Variants in CA12 observed in about 807,000 individuals in gnomAD.
CA12 encodes carbonate dehydratase XII.
CA12 carries 36 observed loss-of-function variants against 46.8 expected under a neutral mutation model. The observed-to-expected ratio is 0.77, with a 90% CI of 0.59 to 1.02. The LOEUF (loss-of-function observed/expected upper bound fraction) is 1.02. Among genes scored for constraint, CA12 ranks in the 50% least tolerant of loss-of-function variants. The pLI, the probability that CA12 is intolerant of heterozygous loss-of-function variation, is 0.00. For synonymous variants in CA12, 202 were observed against 187.0 expected, an observed-to-expected ratio of 1.08 and a Z score of -0.65; for missense variants, 436 against 451.4, an observed-to-expected ratio of 0.97 and a Z score of 0.31.
rs1192618678 is a variant in CA12, at chr15:63,341,139, T to A, written c.526-356A>T. Among the ~76,000 whole-genome samples the A allele has an allele frequency of 1.3e-5, 2 of 151,836 alleles. No individual in the cohort carries two copies. The highest frequency in any genetic ancestry group is 1.3e-4 in the Admixed American group (2 of 15,260). On this transcript the variant is annotated intron_variant, in intron 5 of 10. Transcript: ENST00000178638. This position sits in a 1 kb window ranked among gnomAD's most constrained non-coding sequence, Gnocchi z 5.2. ...GTTCACAAAAGCCACGTCAGACAAATGAGCATGTTGGGAAATGAGGTACAT... is the reference window on the plus strand; with the variant it reads ...GTTCACAAAAGCCACGTCAGACAAAAGAGCATGTTGGGAAATGAGGTACAT...
chr15:63,370,070 A>G (rs539924747), intron 2 of CA12, among the ~76,000 whole-genome samples: 64 of 152,318 alleles, frequency 4.2e-4, no homozygotes, highest in African/African-American at 1.5e-3. Context: ...GAAGTAACTG[A>G]AACTACAACA....
In CA12 at chr15:63,338,025, G is replaced by A. The variant is rs553051475; in HGVS notation, c.874+794C>T. On this transcript the variant is annotated intron_variant, in intron 8 of 10. Transcript: ENST00000178638. ...GAAAGTGAACTCAGAGGTCTGAAGA[G>A]GGGTGTGGGCCCCAAAAGTGCTCCC... Among the ~76,000 whole-genome samples the A allele has an allele frequency of 1.1e-4, 16 of 152,264 alleles. 1 individual carries two copies. In the South Asian group the frequency reaches 3.3e-3, roughly 32 times the overall value.
chr15:63,367,174 GC>G (rs1474186835), intron 2 of CA12, among the ~76,000 whole-genome samples: 8 of 152,142 alleles, frequency 5.3e-5, no homozygotes, highest in Non-Finnish European at 1.2e-4. Flanking sequence ...ACCCGCCTCG[GC>G]CTCCCAAGGT....
At position 63,340,183 on chromosome 15, in the gene CA12, T is replaced by C. The variant is rs1024770700; in HGVS notation, c.747+105A>G. The stretch of plus-strand genomic sequence containing the variant: ...GATATTTGGAGAGGTTTTGAAGAGC[T>C]GCCAATGAAACTAAATGAGGAAATC... On this transcript the variant is annotated intron_variant, in intron 7 of 10. Transcript: ENST00000178638. The surrounding 1 kb of genome is among the most constrained non-coding windows in gnomAD (Gnocchi z 4.4). 9 of 1,314,336 alleles carry C rather than the reference T, an allele frequency of 6.8e-6. No individual in the cohort carries two copies. Among genetic ancestry groups the C allele is most frequent in the African/African-American group, 1.5e-5 (1 of 68,960 alleles). The allele number at this position is 1,314,336 out of a possible 1,614,324, so 81.4% of individuals were successfully genotyped here. A position where few individuals can be genotyped will look rare whatever the true frequency, so the allele number is the denominator to read the frequency against.
In CA12 at chr15:63,336,543, CTTTTTT is replaced by C. The variant is rs71998323; in HGVS notation, c.874+2270_874+2275del. On this transcript the variant is annotated intron_variant, in intron 8 of 10. Coordinates refer to ENST00000178638, the MANE Select transcript of CA12 (RefSeq NM_001218.5). ...CATGAGATCACCTAATCCAACCTGGCTTTTTTTTTTTTTTTTTTTTTTTTTGAGACA... is the reference window on the plus strand; with the variant it reads ...CATGAGATCACCTAATCCAACCTGGCTTTTTTTTTTTTTTTTTTTGAGACA... 8.1e-5 allele frequency among the ~76,000 whole-genome samples: 7 copies of C among 86,212 alleles called. No individual in the cohort carries two copies. The East Asian group carries it at 2.2e-3, about 27-fold the overall frequency. 56.6% of individuals were successfully genotyped at this position (86,212 alleles called of 152,430 possible).
At chr15:63,359,367 G>A (rs546262987) in intron 2 of CA12, among the ~76,000 whole-genome samples, 65 of 151,726 alleles carry the variant, frequency 4.3e-4, no homozygotes, top group East Asian at 1.9e-3. Flanking sequence ...AATGCCTGGC[G>A]ATCACAACTG....
chr15:63,355,873 G>A lies in CA12; in HGVS notation c.107-9164C>T, dbSNP rs2039289179. Among the ~76,000 whole-genome samples the A allele has an allele frequency of 6.6e-6, 1 of 152,156 alleles. No individual in the cohort carries two copies. Among genetic ancestry groups the A allele is most frequent in the South Asian group, 2.1e-4 (1 of 4,822 alleles). On this transcript the variant is annotated intron_variant, in intron 2 of 10. Coordinates refer to ENST00000178638, the MANE Select transcript of CA12 (RefSeq NM_001218.5). The surrounding 1 kb of genome is among the most constrained non-coding windows in gnomAD (Gnocchi z 4.1). ...AGCCACCGCCCTCGCAAGACATCCTGCTCTGTCTTTCTTAAACATAATATT... is the reference window on the plus strand; with the variant it reads ...AGCCACCGCCCTCGCAAGACATCCTACTCTGTCTTTCTTAAACATAATATT...
rs35810559 is a variant in CA12 at position 63,339,269 on chromosome 15, A to AT, written c.748-325_748-324insA. Among the ~76,000 whole-genome samples, 6,785 of 140,716 alleles carry AT rather than the reference A, an allele frequency of 0.048. 197 individuals are homozygous for AT. The highest frequency in any genetic ancestry group is 0.069 in the Middle Eastern group (19 of 274). The allele number at this position is 140,716 out of a possible 152,430, so 92.3% of individuals were successfully genotyped here. On this transcript the variant is annotated intron_variant, in intron 7 of 10. Transcript: ENST00000178638. The surrounding 1 kb of genome is among the most constrained non-coding windows in gnomAD (Gnocchi z 4.3). Reference sequence around the variant, plus strand: ...GGTGATGGAGTGCTCCTTAACCTCCACAGAGACTGAGTTCCTCTCATGAAC... The same window carrying AT: ...GGTGATGGAGTGCTCCTTAACCTCCATCAGAGACTGAGTTCCTCTCATGAAC...
chr15:63,327,338 G>A lies in CA12; in HGVS notation c.908-105C>T, dbSNP rs1363315309. ...TGGCCCAGCTGCATAATCATCCACA[G>A]AAAGGAATAATTTCCCCATCCCTGT... is the stretch of plus-strand genomic sequence containing the variant. On this transcript the variant is annotated intron_variant, in intron 9 of 10. Coordinates refer to ENST00000178638, the MANE Select transcript of CA12 (RefSeq NM_001218.5). This position sits in a 1 kb window ranked among gnomAD's most constrained non-coding sequence, Gnocchi z 4.5. 2.3e-6 allele frequency: 2 copies of A among 862,496 alleles called. No homozygotes were observed. The highest frequency in any genetic ancestry group is 3.4e-5 in the African/African-American group (2 of 59,690). 53.4% of individuals were successfully genotyped at this position (862,496 alleles called of 1,614,324 possible).
intron 2 of CA12, among the ~76,000 whole-genome samples, chr15:63,360,747 G>A (rs891084043): frequency 2.0e-5 from 3 of 152,144 alleles, no homozygotes; most frequent in East Asian, 3.8e-4. Flanking sequence ...GCTGACAGAC[G>A]CACATGCCCC....
chr15:63,340,591 C>A lies in CA12; in HGVS notation c.589+129G>T, dbSNP rs968311993. ...AGGACCTGGTTGCAACATTGTTCAA[C>A]AACCTGCTGCTCTTAACCTGGTGAA... is the stretch of plus-strand genomic sequence containing the variant. On this transcript the variant is annotated intron_variant, in intron 6 of 10. Coordinates refer to ENST00000178638, the MANE Select transcript of CA12 (RefSeq NM_001218.5). This position sits in a 1 kb window ranked among gnomAD's most constrained non-coding sequence, Gnocchi z 4.4. The A allele has an allele frequency of 3.6e-6, 5 of 1,393,710 alleles. No homozygotes were observed. In the African/African-American group the frequency reaches 7.1e-5, roughly 20 times the overall value. 86.3% of individuals were successfully genotyped at this position (1,393,710 alleles called of 1,614,324 possible).
Position 63,339,062 on chromosome 15 carries a change from G to T in CA12, c.748-117C>A. The T allele has an allele frequency of 8.0e-7, 1 of 1,255,910 alleles. No homozygotes were observed. The highest frequency in any genetic ancestry group is 1.1e-6 in the Non-Finnish European group (1 of 884,188). The allele number at this position is 1,255,910 out of a possible 1,614,324, so 77.8% of individuals were successfully genotyped here. On this transcript the variant is annotated intron_variant, in intron 7 of 10. Coordinates refer to ENST00000178638, the MANE Select transcript of CA12 (RefSeq NM_001218.5). The surrounding 1 kb of genome is among the most constrained non-coding windows in gnomAD (Gnocchi z 4.3). Reference sequence around the variant, plus strand: ...AGAAGCCTCTGGAACCAGCTTCTGTGGGGCCGGGTGGGAGATATTAGAAAG... The same window carrying T: ...AGAAGCCTCTGGAACCAGCTTCTGTTGGGCCGGGTGGGAGATATTAGAAAG...
rs1555432624 is a variant in CA12 at position 63,376,557 on chromosome 15, C to CCTTTCTTTCTTTCTCTTTCTTTCTTT, written c.86-880_86-879insAAAGAAAGAAAGAGAAAGAAAGAAAG. ...CTCTCCCCTCCCACTCTCTTTCTTT[C>CCTTTCTTTCTTTCTCTTTCTTTCTTT]CTTTCTTTCTTTCTTTCTTTCTTTC... On this transcript the variant is annotated intron_variant, in intron 1 of 10. Coordinates refer to ENST00000178638, the MANE Select transcript of CA12 (RefSeq NM_001218.5). 5.7e-5 allele frequency among the ~76,000 whole-genome samples: 6 copies of CCTTTCTTTCTTTCTCTTTCTTTCTTT among 104,620 alleles called. No homozygotes were observed. In the East Asian group the frequency reaches 1.7e-3, roughly 30 times the overall value. 68.6% of individuals were successfully genotyped at this position (104,620 alleles called of 152,430 possible).
rs1190134150 is a variant in CA12, at chr15:63,378,168, G to A, written c.86-2490C>T. ...TTTGGAAGACCAAGACAGGCAGATC[G>A]CCTGAGGTCAGGAGTTCGAGACCAG... On this transcript the variant is annotated intron_variant, in intron 1 of 10. Transcript: ENST00000178638. This position sits in a 1 kb window ranked among gnomAD's most constrained non-coding sequence, Gnocchi z 4.8. Among the ~76,000 whole-genome samples the A allele has an allele frequency of 6.6e-6, 1 of 152,072 alleles. No homozygotes were observed. The highest frequency in any genetic ancestry group is 2.4e-5 in the African/African-American group (1 of 41,384).
At position 63,328,732 on chromosome 15, in the gene CA12, G is replaced by A. The variant is rs113043581; in HGVS notation, c.875-602C>T. Among the ~76,000 whole-genome samples, 50 of 151,948 alleles carry A rather than the reference G, an allele frequency of 3.3e-4. No individual in the cohort carries two copies. In the South Asian group the frequency reaches 5.2e-3, roughly 16 times the overall value. On this transcript the variant is annotated intron_variant, in intron 8 of 10. Coordinates refer to ENST00000178638, the MANE Select transcript of CA12 (RefSeq NM_001218.5). This position sits in a 1 kb window ranked among gnomAD's most constrained non-coding sequence, Gnocchi z 5.9. The stretch of plus-strand genomic sequence containing the variant: ...TGTGTTTTTTTTGAGACAGAGTCTC[G>A]CTCTGTCACACATGCTGGAGTGCAG...
rs141310681 is a variant in CA12, at chr15:63,340,760, A to G, written c.549T>C (p.Tyr183=). 25 of 1,614,138 alleles carry G rather than the reference A, an allele frequency of 1.5e-5. No individual in the cohort carries two copies. In the South Asian group the frequency reaches 1.9e-4, roughly 12 times the overall value. The change falls in exon 6 of 11, where the codon TAT becomes TAC. Residue 183 remains tyrosine (Y), a synonymous_variant. Coordinates refer to ENST00000178638, the MANE Select transcript of CA12 (RefSeq NM_001218.5). This position sits in a 1 kb window ranked among gnomAD's most constrained non-coding sequence, Gnocchi z 4.4. The part of the protein sequence containing the change: ...LIEMGSFNPS[Y]DKIFSHLQHV... ...GTTGAAGGTGACTGAAGATCTTGTC[A>G]TAGGACGGATTGAAGGAGCCCATCT...
rs112125859 is a variant in CA12, at chr15:63,327,260, T to C, written c.908-27A>G. 237 of 1,587,816 alleles carry C rather than the reference T, an allele frequency of 1.5e-4. 1 individual carries two copies. Among genetic ancestry groups the C allele is most frequent in the Admixed American group, 2.0e-4 (12 of 59,440 alleles). On this transcript the variant is annotated intron_variant, in intron 9 of 10. Transcript: ENST00000178638. The surrounding 1 kb of genome is among the most constrained non-coding windows in gnomAD (Gnocchi z 4.5). ...TGGTGAAGAGGTAGAGGGCACACAT[T>C]ACATTCCTTCCTTCCCCTCCATCTT... is the stretch of plus-strand genomic sequence containing the variant.
Position 63,328,372 on chromosome 15 carries a change from T to C in CA12, c.875-242A>G, listed in dbSNP as rs185278784. ...TTTTTTTTGAGATGGAATCTCGCTC[T>C]GCCGCCCAGGCTGGAATGCAGTGGT... On this transcript the variant is annotated intron_variant, in intron 8 of 10. Transcript: ENST00000178638. This position sits in a 1 kb window ranked among gnomAD's most constrained non-coding sequence, Gnocchi z 5.9. Among the ~76,000 whole-genome samples the C allele has an allele frequency of 6.6e-6, 1 of 151,194 alleles. No homozygotes were observed. The highest frequency in any genetic ancestry group is 2.0e-4 in the East Asian group (1 of 5,106).
At chr15:63,376,569 T>TCTTTCTTTCTTTC (rs1555432648) in intron 1 of CA12, among the ~76,000 whole-genome samples, 2 of 111,204 alleles carry the variant, frequency 1.8e-5, no homozygotes, top group Non-Finnish European at 3.8e-5. Flanking sequence ...TTTCTTTCTT[T>TCTTTCTTTCTTTC]CTTTCTTTCT....
Sources: gnomAD v4.1 joint callset for allele counts (sites outside exome capture counted in the v4.1 genomes callset) on GRCh38, gnomAD v4.1.1 for gene constraint, Gnocchi (gnomAD v3.1) non-coding constraint, MANE v1.5 for transcripts, NCBI Gene and HGNC (gene_info 2026-07-23, HGNC 2026-07-21) for gene names.